LHPP: variants seen among roughly 807,000 people sequenced by gnomAD.
The protein encoded by LHPP is hLHPP.
In LHPP, 24 loss-of-function variants were observed where a neutral mutation model predicts 30.3. The observed-to-expected ratio is 0.79, with a 90% CI of 0.57 to 1.11. The LOEUF is 1.11. Ranked by LOEUF, LHPP falls within the 50% of genes most tolerant of loss-of-function variation. The pLI, the probability that LHPP is intolerant of heterozygous loss-of-function variation, is 0.00. For synonymous variants in LHPP, 150 were observed against 157.1 expected, an observed-to-expected ratio of 0.95 and a Z score of 0.34; for missense variants, 356 against 367.2, an observed-to-expected ratio of 0.97 and a Z score of 0.25.
At chr10:124,598,710 T>C (rs1948984404) in intron 6 of LHPP, among the ~76,000 whole-genome samples, 1 of 151,644 alleles carries the variant, frequency 6.6e-6, no homozygotes, top group Non-Finnish European at 1.5e-5. Context: ...CACGTGTCCA[T>C]CTGTCTACCC....
At chr10:124,602,898 CAT>C (rs768079289) in intron 6 of LHPP, among the ~76,000 whole-genome samples, 9 of 152,354 alleles carry the variant, frequency 5.9e-5, no homozygotes, top group East Asian at 1.9e-4. Context: ...ACCGCCCACA[CAT>C]GTGCACACAG....
chr10:124,492,065 C>T (rs368584497), intron 3 of LHPP, among the ~76,000 whole-genome samples: 17 of 152,336 alleles, frequency 1.1e-4, no homozygotes, highest in African/African-American at 3.8e-4. Flanking sequence ...CCTGCACACA[C>T]AGCAGCCATA....
At chr10:124,485,391 A>C (rs1953293512) in intron 2 of LHPP, among the ~76,000 whole-genome samples, 4 of 151,954 alleles carry the variant, frequency 2.6e-5, no homozygotes, top group Admixed American at 2.0e-4. Flanking sequence ...TGGCCAGTGA[A>C]TCAGACAAGC....
chr10:124,560,663 C>T (rs1381212772), intron 6 of LHPP, among the ~76,000 whole-genome samples: 2 of 152,156 alleles, frequency 1.3e-5, no homozygotes, highest in Admixed American at 6.5e-5. Context: ...CACAGGTGAG[C>T]GGGGGCACTA....
chr10:124,514,726 A>ATTTT (rs1206564752), intron 5 of LHPP, among the ~76,000 whole-genome samples: 2 of 148,616 alleles, frequency 1.3e-5, no homozygotes, highest in African/African-American at 4.9e-5. Context: ...TGGATTTATT[A>ATTTT]TTTTTATCAA....
At chr10:124,560,520 G>A (rs546862456) in intron 6 of LHPP, among the ~76,000 whole-genome samples, 1 of 152,222 alleles carries the variant, frequency 6.6e-6, no homozygotes, top group African/African-American at 2.4e-5. Context: ...TACCCTCCTC[G>A]TTGGCCTGCT....
At chr10:124,513,030 G>A (rs117369743) in intron 5 of LHPP, among the ~76,000 whole-genome samples, 218 of 152,246 alleles carry the variant, frequency 1.4e-3, no homozygotes, top group Non-Finnish European at 2.7e-3. Flanking sequence ...TGTATTTATC[G>A]GTTAGCCCCT....
At position 124,503,361 on chromosome 10, in the gene LHPP, C is replaced by T. The variant is rs550246303; in HGVS notation, c.624+5233C>T. ...GATTACAGGCATGAGCCACCACATC[C>T]GGCCTTCATTGGTGTATTTTATGTG... On this transcript the variant is annotated intron_variant, in intron 5 of 6. Coordinates refer to ENST00000368842, the MANE Select transcript of LHPP (RefSeq NM_022126.4). Among the ~76,000 whole-genome samples, 155 of 152,170 alleles carry T rather than the reference C, an allele frequency of 1.0e-3. 3 individuals carry two copies. The highest frequency in any genetic ancestry group is 1.4e-3 in the Non-Finnish European group (98 of 68,034).
At chr10:124,531,042 C>T (rs1338770842) in intron 6 of LHPP, among the ~76,000 whole-genome samples, 7 of 152,230 alleles carry the variant, frequency 4.6e-5, no homozygotes, top group South Asian at 2.1e-4. Flanking sequence ...CACGCCCACC[C>T]GCCAAGCTCC....
intron 6 of LHPP, among the ~76,000 whole-genome samples, chr10:124,565,822 G>A (rs1479444821): frequency 6.6e-6 from 1 of 152,222 alleles, no homozygotes; most frequent in East Asian, 1.9e-4. Flanking sequence ...GGGCCCTGTG[G>A]ATCCGCCCTG....
At chr10:124,462,790 C>T (rs1275755255) in intron 1 of LHPP, among the ~76,000 whole-genome samples, 7 of 152,214 alleles carry the variant, frequency 4.6e-5, no homozygotes, top group African/African-American at 2.4e-5. Context: ...CTCCGCCTCC[C>T]GGGTGCAAGT....
chr10:124,498,077 TC>T lies in LHPP; in HGVS notation c.575del (p.Pro192LeufsTer11). ...AAGCCGAGGTGGTGGGGAAGCCTTC[TC>T]CTGAGTTTTTCAAGTCTGCCCTGCA... ...IKAEVVGKPSPEFFKSALQAI... is the reference protein window; with the variant it reads ...IKAEVVGKPSXEFFKSALQAI... On this transcript the variant is annotated frameshift_variant, in exon 5 of 7. Coordinates refer to ENST00000368842, the MANE Select transcript of LHPP (RefSeq NM_022126.4). LOFTEE classifies it high-confidence loss of function. 1 of 1,614,138 alleles carries T rather than the reference TC, an allele frequency of 6.2e-7. No homozygotes were observed. The highest frequency in any genetic ancestry group is 8.5e-7 in the Non-Finnish European group (1 of 1,180,008).
At chr10:124,584,971 T>A (rs1335446869) in intron 6 of LHPP, among the ~76,000 whole-genome samples, 7 of 152,224 alleles carry the variant, frequency 4.6e-5, no homozygotes, top group African/African-American at 1.7e-4. Flanking sequence ...AAATTTTGTA[T>A]AATTACCCTC....
At chr10:124,518,164 C>T (rs771545154) in intron 6 of LHPP, among the ~76,000 whole-genome samples, 2 of 152,184 alleles carry the variant, frequency 1.3e-5, no homozygotes, top group African/African-American at 4.8e-5. Flanking sequence ...GAAGGCTCAG[C>T]GCACCTGGGT....
chr10:124,547,750 G>C (rs535654563), intron 6 of LHPP, among the ~76,000 whole-genome samples: 6 of 149,156 alleles, frequency 4.0e-5, no homozygotes, highest in Non-Finnish European at 8.9e-5. Flanking sequence ...CGGGGCCATC[G>C]GGCGTCCTGG....
intron 6 of LHPP, among the ~76,000 whole-genome samples, chr10:124,591,647 T>C (rs1948883332): frequency 6.6e-6 from 1 of 151,970 alleles, no homozygotes; most frequent in Admixed American, 6.5e-5. Flanking sequence ...GTGCTCCTTT[T>C]CTACTTCCTT....
At chr10:124,481,922 G>C (rs2133843021) in intron 1 of LHPP, among the ~76,000 whole-genome samples, 2 of 152,314 alleles carry the variant, frequency 1.3e-5, no homozygotes, top group South Asian at 2.1e-4. Flanking sequence ...ACTGGGCTGT[G>C]TCCTTTCCCC....
intron 1 of LHPP, among the ~76,000 whole-genome samples, chr10:124,470,648 T>TAAC (rs10682827): frequency 0.22 from 31,576 of 144,836 alleles, 3,935 homozygotes; most frequent in Middle Eastern, 0.33. Context: ...GCAGCAATAG[T>TAAC]AACAACAACA....
chr10:124,538,106 G>GCGAGTCTCAGCATGCAGGGTCACCACA (rs2133940592), intron 6 of LHPP, among the ~76,000 whole-genome samples: 1 of 152,204 alleles, frequency 6.6e-6, no homozygotes, highest in South Asian at 2.1e-4. Context: ...GGGTCACCAT[G>GCGAGTCTCAGCATGCAGGGTCACCACA]CGAGTCTCAC....
Sources: gnomAD v4.1 joint callset for allele counts (sites outside exome capture counted in the v4.1 genomes callset) on GRCh38, gnomAD v4.1.1 for gene constraint, MANE v1.5 for transcripts, NCBI Gene and HGNC (gene_info 2026-07-23, HGNC 2026-07-21) for gene names.